The following ZNF841 variants were observed in gnomAD, a reference collection of about 807,000 sequenced individuals.
The protein encoded by ZNF841 is TCONS_00006091.
ZNF841 carries 11 observed loss-of-function variants against 13.0 expected under a neutral mutation model. The observed-to-expected ratio is 0.85, with a 90% CI of 0.53 to 1.40. The LOEUF is 1.40. Ranked by LOEUF, ZNF841 falls within the 40% of genes most tolerant of loss-of-function variation. ZNF841 has a pLI of 0.00. For synonymous variants in ZNF841, 369 were observed against 381.6 expected (o/e 0.97, Z 0.38); for missense variants, 1,068 against 1,139.5 (o/e 0.94, Z 0.90).
At chr19:52,073,157 A>G (rs2123262572) in intron 6 of ZNF841, among the ~76,000 whole-genome samples, 1 of 152,322 alleles carries the variant, frequency 6.6e-6, no homozygotes, top group East Asian at 1.9e-4. Flanking sequence ...ATATAGAAGA[A>G]TGAAACTGGA....
Position 52,066,022 on chromosome 19 carries a change from G to A in ZNF841, c.1860C>T (p.Thr620=), listed in dbSNP as rs760181616. ...CGTTACACTGGAAAGGTTTCTCTCC[G>A]GTATGACTTCGCCTATGAATTGAAA... is the stretch of plus-strand genomic sequence containing the variant. The part of the protein sequence containing the change: ...GNLSIHRRSH[T]GEKPFQCNEC... The change falls in exon 7 of 7, where the codon ACC becomes ACT. Residue 620 remains threonine (T), a synonymous_variant. Transcript: ENST00000594440. 7 of 1,612,866 alleles carry A rather than the reference G, an allele frequency of 4.3e-6. No homozygotes were observed. Among genetic ancestry groups the A allele is most frequent in the South Asian group, 2.2e-5 (2 of 91,034 alleles).
chr19:52,083,683 T>C lies in ZNF841; in HGVS notation c.15+1104A>G, dbSNP rs368370467. 8.5e-5 allele frequency among the ~76,000 whole-genome samples: 13 copies of C among 152,240 alleles called. No individual in the cohort carries two copies. The East Asian group carries it at 2.1e-3, about 25-fold the overall frequency. On this transcript the variant is annotated intron_variant, in intron 4 of 6. Transcript: ENST00000594440. ...TCTTTTTTTAGGTTATGAAGGGTGT[T>C]CTTGATGCCCTGTTTTTTACTTGTT...
chr19:52,062,312 T>G (rs2087416745), downstream of ZNF841, among the ~76,000 whole-genome samples: 1 of 152,148 alleles, frequency 6.6e-6, no homozygotes, highest in South Asian at 2.1e-4. Context: ...GTGAAAAGAA[T>G]GTACAAATCT....
At chr19:52,075,823 A>G (rs1042488752) in intron 6 of ZNF841, among the ~76,000 whole-genome samples, 1 of 152,224 alleles carries the variant, frequency 6.6e-6, no homozygotes, top group African/African-American at 2.4e-5. Flanking sequence ...GTGGTCCATC[A>G]TAACAGTCTT....
chr19:52,076,953 C>T lies in ZNF841; in HGVS notation c.142+5G>A. 1 of 1,611,874 alleles carries T rather than the reference C, an allele frequency of 6.2e-7. No homozygotes were observed. The highest frequency in any genetic ancestry group is 1.1e-5 in the South Asian group (1 of 91,050). On this transcript the variant is annotated splice_donor_5th_base_variant and intron_variant, in intron 5 of 6. Transcript: ENST00000594440. ...TCCTAACTTCTGGAGGAAAACTATCCTCACCCAGGAAGCCGAGGTTCCTGT... is the reference window on the plus strand; with the variant it reads ...TCCTAACTTCTGGAGGAAAACTATCTTCACCCAGGAAGCCGAGGTTCCTGT...
intron 6 of ZNF841, among the ~76,000 whole-genome samples, chr19:52,069,635 G>T (rs976589590): frequency 1.3e-5 from 2 of 152,152 alleles, no homozygotes; most frequent in Non-Finnish European, 2.9e-5. Flanking sequence ...ATGGTGCATA[G>T]AACTTCAGGA....
intron 6 of ZNF841, among the ~76,000 whole-genome samples, chr19:52,075,454 G>A (rs140642916): frequency 3.3e-5 from 5 of 152,268 alleles, no homozygotes; most frequent in Admixed American, 1.3e-4. Flanking sequence ...ACTCATTCCC[G>A]TGTCACAAAC....
intron 6 of ZNF841, among the ~76,000 whole-genome samples, chr19:52,074,482 A>T (rs2087832458): frequency 6.6e-6 from 1 of 152,176 alleles, no homozygotes; most frequent in Non-Finnish European, 1.5e-5. Context: ...AGCCCTGCAG[A>T]GATGAAGCTG....
chr19:52,074,788 A>G (rs941192228), intron 6 of ZNF841, among the ~76,000 whole-genome samples: 2 of 152,190 alleles, frequency 1.3e-5, no homozygotes, highest in Non-Finnish European at 2.9e-5. Context: ...AAGTGCTGGG[A>G]TTACAGGCGT....
chr19:52,090,523 C>G (rs949425103), intron 2 of ZNF841, among the ~76,000 whole-genome samples: 2 of 151,508 alleles, frequency 1.3e-5, no homozygotes, highest in African/African-American at 4.9e-5. Flanking sequence ...TGCCTGAGCC[C>G]AGGAGTTCAA....
In ZNF841 at chr19:52,065,169, T is replaced by C; in HGVS notation, c.2713A>G (p.Thr905Ala). 2 of 1,586,178 alleles carry C rather than the reference T, an allele frequency of 1.3e-6. No homozygotes were observed. The highest frequency in any genetic ancestry group is 1.7e-6 in the Non-Finnish European group (2 of 1,166,478). Residue 905 changes from threonine to alanine, a missense_variant, in exon 7 of 7, where the codon ACA becomes GCA. Thr to Ala is a moderately conservative substitution (Grantham distance 58, BLOSUM62 0). Coordinates refer to ENST00000594440, the MANE Select transcript of ZNF841 (RefSeq NM_001136499.2). ...HQIKHAGENL[T>A]TKLNVERPLD... ...GGCCTTTCCACATTGAGTTTAGTTG[T>C]AAGGTTCTCTCCAGCATGTTTTATC...
intron 6 of ZNF841, among the ~76,000 whole-genome samples, chr19:52,073,785 G>A (rs2087810510): frequency 6.6e-6 from 1 of 152,088 alleles, no homozygotes; most frequent in Admixed American, 6.5e-5. Context: ...ATGTAGATAG[G>A]AGAATAGTTA....
intron 4 of ZNF841, among the ~76,000 whole-genome samples, chr19:52,083,622 G>A (rs1379505555): frequency 6.6e-6 from 1 of 151,896 alleles, no homozygotes; most frequent in African/African-American, 2.4e-5. Flanking sequence ...TTCATGTTCT[G>A]TAGTTAAAAG....
Position 52,065,615 on chromosome 19 carries a change from C to T in ZNF841, c.2267G>A (p.Arg756Gln), listed in dbSNP as rs367925872. 8.7e-6 allele frequency: 14 copies of T among 1,611,148 alleles called. No homozygotes were observed. The highest frequency in any genetic ancestry group is 3.3e-5 in the South Asian group (3 of 90,722). Residue 756 changes from arginine to glutamine, a missense_variant, in exon 7 of 7, where the codon CGG becomes CAG. Arg to Gln is a conservative substitution (Grantham distance 43, BLOSUM62 1). Coordinates refer to ENST00000594440, the MANE Select transcript of ZNF841 (RefSeq NM_001136499.2). The stretch of plus-strand genomic sequence containing the variant: ...AGGTTTCTCTCCAGTATGAATTCTC[C>T]GATGCCTTGCCAGGGTTGTAGTGGA... Reference protein sequence around the residue: ...FNSTTTLARHRRIHTGEKPYK... With the variant: ...FNSTTTLARHQRIHTGEKPYK...
In ZNF841 at chr19:52,065,785, A is replaced by G. The variant is rs776725185; in HGVS notation, c.2097T>C (p.Tyr699=). ...GTTTCTCCCCAGTAGGATTTCTGTG[A>G]TATCTTGCAAGTTTTGAACTTTGGA... ...AFIQSSKLAR[Y]HRNPTGEKPH... The change falls in exon 7 of 7, where the codon TAT becomes TAC. Residue 699 remains tyrosine (Y), a synonymous_variant. Transcript: ENST00000594440. 6 of 1,611,058 alleles carry G rather than the reference A, an allele frequency of 3.7e-6. No homozygotes were observed. The highest frequency in any genetic ancestry group is 5.1e-6 in the Non-Finnish European group (6 of 1,178,278).
At chr19:52,091,519 G>T (rs140878495) in intron 2 of ZNF841, among the ~76,000 whole-genome samples, 1 of 152,110 alleles carries the variant, frequency 6.6e-6, no homozygotes, top group Non-Finnish European at 1.5e-5. Flanking sequence ...ACACAAGAGA[G>T]CCCAGAAATA....
chr19:52,068,699 G>C (rs11669385), intron 6 of ZNF841, among the ~76,000 whole-genome samples: 22,020 of 150,592 alleles, frequency 0.15, 2,112 homozygotes, highest in East Asian at 0.38. Context: ...AGACAGGTAT[G>C]GTGGCTCAGA....
At chr19:52,060,743 G>C (rs1301080630), downstream of ZNF841, among the ~76,000 whole-genome samples, 1 of 152,112 alleles carries the variant, frequency 6.6e-6, no homozygotes, top group African/African-American at 2.4e-5. Context: ...GTGTGATGCA[G>C]TTAGCAGCAG....
chr19:52,071,834 A>G (rs1389532334), intron 6 of ZNF841, among the ~76,000 whole-genome samples: 1 of 152,236 alleles, frequency 6.6e-6, no homozygotes. Context: ...CACAATGGCA[A>G]TATAAGTCCT....
Sources: allele counts gnomAD v4.1 joint callset (sites outside exome capture counted in the v4.1 genomes callset), GRCh38; gene constraint gnomAD v4.1.1; transcripts MANE v1.5; gene names NCBI Gene and HGNC (gene_info 2026-07-23, HGNC 2026-07-21).